Variants in GOLGA4 observed in about 807,000 individuals in gnomAD.
GOLGA4 encodes the protein golgin subfamily A member 4.
GOLGA4 carries 169 observed loss-of-function variants against 265.9 expected under a neutral mutation model. The observed-to-expected ratio is 0.64, with a 90% CI of 0.56 to 0.72. GOLGA4 has a LOEUF of 0.72. Among genes scored for constraint, GOLGA4 ranks in the 30% least tolerant of loss-of-function variants. The probability of loss-of-function intolerance (pLI) is 0.00; values close to 1 mark genes in which losing one functional copy is unlikely to be tolerated. For synonymous variants in GOLGA4, 923 were observed against 855.8 expected, an observed-to-expected ratio of 1.08 and a Z score of -1.37; for missense variants, 2,482 against 2,483.4, an observed-to-expected ratio of 1.00 and a Z score of 0.01.
In GOLGA4 at chr3:37,295,023, G is replaced by A. The variant is rs1487846750; in HGVS notation, c.627G>A (p.Glu209=). The change falls in exon 6 of 24, where the codon GAG becomes GAA. Residue 209 remains glutamate (E), a synonymous_variant. Coordinates refer to ENST00000361924, the MANE Select transcript of GOLGA4 (RefSeq NM_002078.5). ...DQQAKKHLQE[E]FDASLEEKDQ... ...AGGCAAAGAAACATCTGCAAGAGGAGTTTGATGCATCTTTAGAGGAGAAAG... is the reference window on the plus strand; with the variant it reads ...AGGCAAAGAAACATCTGCAAGAGGAATTTGATGCATCTTTAGAGGAGAAAG... The A allele has an allele frequency of 1.2e-6, 2 of 1,610,992 alleles. No homozygotes were observed. The highest frequency in any genetic ancestry group is 1.7e-6 in the Non-Finnish European group (2 of 1,178,022).
chr3:37,362,213 ATTTATTTATTTATTTATTTAT>A (rs1559479330), intron 23 of GOLGA4, among the ~76,000 whole-genome samples: 1 of 77,946 alleles, frequency 1.3e-5, no homozygotes, highest in East Asian at 2.3e-4. Flanking sequence ...TTATTTATTT[ATTTATTTATTTATTTATTTAT>A]TTATTATTTT....
chr3:37,259,858 T>C (rs2096764510), intron 2 of GOLGA4, among the ~76,000 whole-genome samples: 1 of 152,182 alleles, frequency 6.6e-6, no homozygotes, highest in African/African-American at 2.4e-5. Context: ...ACCTTGTCCT[T>C]TTATGCTGTC....
chr3:37,365,659 A>G (rs941080474), intron 23 of GOLGA4, among the ~76,000 whole-genome samples: 2 of 152,226 alleles, frequency 1.3e-5, no homozygotes, highest in African/African-American at 4.8e-5. Flanking sequence ...AGCATTCGAT[A>G]TATGGTAAAT....
At chr3:37,286,400 G>A (rs972078863) in intron 4 of GOLGA4, among the ~76,000 whole-genome samples, 5 of 151,790 alleles carry the variant, frequency 3.3e-5, no homozygotes, top group South Asian at 2.1e-4. Flanking sequence ...TGATCCACCC[G>A]CCTCGGCCTC....
chr3:37,299,225 T>A, intron 8 of GOLGA4, 63 bp from the exon 9 acceptor site: 2 of 1,111,072 alleles, frequency 1.8e-6, no homozygotes, highest in Non-Finnish European at 2.7e-6. Flanking sequence ...GATAAATGTT[T>A]AGAGTTCTCA....
chr3:37,286,955 T>G (rs976486957), intron 4 of GOLGA4, among the ~76,000 whole-genome samples: 2 of 152,200 alleles, frequency 1.3e-5, no homozygotes, highest in African/African-American at 4.8e-5. Flanking sequence ...GCTATGGAAA[T>G]TTCCCACTAG....
chr3:37,296,777 G>A (rs1417922719), intron 7 of GOLGA4, among the ~76,000 whole-genome samples: 2 of 151,984 alleles, frequency 1.3e-5, no homozygotes, highest in African/African-American at 4.8e-5. Flanking sequence ...CACTATGTTG[G>A]CCAGGCTGGT....
rs188097726 is a variant in GOLGA4, at chr3:37,283,016, G to A, written c.477+744G>A. On this transcript the variant is annotated intron_variant, in intron 3 of 23. Coordinates refer to ENST00000361924, the MANE Select transcript of GOLGA4 (RefSeq NM_002078.5). ...TTTTTGTTTGTTTATCTTAAAATGT[G>A]TAATGTTTTATTGTCTTATGGTTTG... Among the ~76,000 whole-genome samples, 24 of 152,216 alleles carry A rather than the reference G, an allele frequency of 1.6e-4. No individual in the cohort carries two copies. The East Asian group carries it at 4.1e-3, about 26-fold the overall frequency.
In GOLGA4 at chr3:37,251,434, A is replaced by G. The variant is rs369017955; in HGVS notation, c.112A>G (p.Arg38Gly). The G allele has an allele frequency of 4.3e-6, 7 of 1,613,352 alleles. No individual in the cohort carries two copies. The highest frequency in any genetic ancestry group is 5.9e-6 in the Non-Finnish European group (7 of 1,179,284). ...NSSTPTRMRS[R>G]TSSFTEQLDE... Reference sequence around the variant, plus strand: ...TTCAACACCAACAAGAATGAGGAGCAGGACATCTTCATTTACAGAGCAACT... The same window carrying G: ...TTCAACACCAACAAGAATGAGGAGCGGGACATCTTCATTTACAGAGCAACT... The change falls in exon 2 of 24, where the codon AGG becomes GGG. Residue 38 changes from arginine (R) to glycine (G), a missense_variant. Coordinates refer to ENST00000361924, the MANE Select transcript of GOLGA4 (RefSeq NM_002078.5).
intron 20 of GOLGA4, among the ~76,000 whole-genome samples, chr3:37,345,096 G>C (rs1434289290): frequency 6.6e-6 from 1 of 152,052 alleles, no homozygotes; most frequent in African/African-American, 2.4e-5. Context: ...TGTAGTCCCA[G>C]CTACTTGGGA....
chr3:37,244,037 C>T (rs184085798), intron 1 of GOLGA4: 189 of 170,800 alleles, frequency 1.1e-3, no homozygotes, highest in Non-Finnish European at 1.8e-3. Flanking sequence ...GAGGGGTCCC[C>T]CTCTCTTTTG....
chr3:37,361,901 G>T (rs1242184614), intron 23 of GOLGA4, among the ~76,000 whole-genome samples: 3 of 152,238 alleles, frequency 2.0e-5, no homozygotes, highest in Non-Finnish European at 2.9e-5. Flanking sequence ...ACATATTACA[G>T]TGAAATGCAG....
intron 1 of GOLGA4, chr3:37,250,645 C>T (rs569358008): frequency 6.6e-6 from 1 of 152,176 alleles, no homozygotes; most frequent in Admixed American, 6.5e-5. Context: ...CAAAATAGAT[C>T]TGAGTTCAGA....
chr3:37,273,084 G>A (rs141854731), intron 2 of GOLGA4, among the ~76,000 whole-genome samples: 95 of 152,180 alleles, frequency 6.2e-4, no homozygotes, highest in African/African-American at 2.2e-3. Context: ...AGACATTACC[G>A]TTTCTTGCTA....
rs752021790 is a variant in GOLGA4, at chr3:37,282,291, T to A, written c.477+19T>A. 79 of 1,593,212 alleles carry A rather than the reference T, an allele frequency of 5.0e-5. No individual in the cohort carries two copies. Among genetic ancestry groups the A allele is most frequent in the Non-Finnish European group, 6.7e-5 (78 of 1,165,390 alleles). ...TTCTGAGGTAGGAGCATGACCTTTTTGCCTGTACAAAAATTTCTTCCCCTT... is the reference window on the plus strand; with the variant it reads ...TTCTGAGGTAGGAGCATGACCTTTTAGCCTGTACAAAAATTTCTTCCCCTT... On this transcript the variant is annotated intron_variant, in intron 3 of 23. Coordinates refer to ENST00000361924, the MANE Select transcript of GOLGA4 (RefSeq NM_002078.5).
In GOLGA4 at chr3:37,324,045, A is replaced by G; in HGVS notation, c.2159A>G (p.Glu720Gly). ...GATCAAACAGATAAAATGAAGCAGG[A>G]ATTAGAGGCCAAGATGGATGAACAG... ...LKDQTDKMKQ[E>G]LEAKMDEQKN... Residue 720 changes from glutamate (E) to glycine (G), a missense_variant, in exon 14 of 24, where the codon GAA becomes GGA. This residue lies in a region of GOLGA4 where 1,536 missense variants were observed against 1,483.7 expected (regional missense o/e 1.04). Transcript: ENST00000361924. The G allele has an allele frequency of 4.3e-6, 7 of 1,614,100 alleles. No homozygotes were observed. The highest frequency in any genetic ancestry group is 5.9e-6 in the Non-Finnish European group (7 of 1,180,020).
At chr3:37,295,402 A>G (rs2096875518) in intron 6 of GOLGA4, among the ~76,000 whole-genome samples, 1 of 152,120 alleles carries the variant, frequency 6.6e-6, no homozygotes, top group Non-Finnish European at 1.5e-5. Flanking sequence ...AATTTTTTGT[A>G]GAGATGGGGT....
At chr3:37,359,620 T>A (rs2097099289) in intron 22 of GOLGA4, among the ~76,000 whole-genome samples, 1 of 152,164 alleles carries the variant, frequency 6.6e-6, no homozygotes, top group East Asian at 1.9e-4. Context: ...TCAACTTTGC[T>A]TTCACACTGA....
intron 23 of GOLGA4, among the ~76,000 whole-genome samples, chr3:37,363,389 C>T (rs890959043): frequency 2.0e-5 from 3 of 152,076 alleles, no homozygotes; most frequent in Non-Finnish European, 4.4e-5. Flanking sequence ...GTATATTGTG[C>T]AGCATTTCTA....
Sources: allele counts gnomAD v4.1 joint callset (sites outside exome capture counted in the v4.1 genomes callset), GRCh38; gene constraint gnomAD v4.1.1; regional missense constraint gnomAD v4.1.1; transcripts MANE v1.5; gene names NCBI Gene and HGNC (gene_info 2026-07-23, HGNC 2026-07-21).